Variants in MNAT1 observed in about 807,000 individuals in gnomAD.
MNAT1 encodes CDK-activating kinase assembly factor MAT1.
In MNAT1, 43 loss-of-function variants were observed where a neutral mutation model predicts 42.0. That is an observed-to-expected ratio of 1.02 (90% CI 0.80 to 1.32). MNAT1 has a LOEUF of 1.32. Among genes scored for constraint, MNAT1 ranks in the 40% most tolerant of loss-of-function variants. MNAT1 has a pLI of 0.00. For missense variants in MNAT1, 306 were observed against 350.4 expected, an observed-to-expected ratio of 0.87 and a Z score of 1.01; for synonymous variants, 118 against 120.0, an observed-to-expected ratio of 0.98 and a Z score of 0.11.
rs1300449735 is a variant in MNAT1 at position 60,740,657 on chromosome 14, G to A, written c.89+5706G>A. On this transcript the variant is annotated intron_variant, in intron 1 of 7. Coordinates refer to ENST00000261245, the MANE Select transcript of MNAT1 (RefSeq NM_002431.4). The surrounding 1 kb of genome is among the most constrained non-coding windows in gnomAD (Gnocchi z 4.1). Reference sequence around the variant, plus strand: ...TTAGGAAAAGGCACTTATTTTAGGTGGAAGATTTAGAACAGGAACATTCTA... The same window carrying A: ...TTAGGAAAAGGCACTTATTTTAGGTAGAAGATTTAGAACAGGAACATTCTA... Among the ~76,000 whole-genome samples the A allele has an allele frequency of 2.0e-5, 3 of 152,056 alleles. No homozygotes were observed. Among genetic ancestry groups the A allele is most frequent in the Non-Finnish European group, 2.9e-5 (2 of 68,014 alleles).
Position 60,798,156 on chromosome 14 carries a change from A to G in MNAT1, c.312A>G (p.Glu104=). ...ATGATTTCTTGGAAGAAGTGGAAGA[A>G]ATTGGTACGTTTTTAATTTGATGTA... The part of the protein sequence containing the change: ...EYNDFLEEVE[E]IVFNLTNNVD... Residue 104 remains glutamate, a synonymous_variant, in exon 3 of 8, where the codon GAA becomes GAG. Coordinates refer to ENST00000261245, the MANE Select transcript of MNAT1 (RefSeq NM_002431.4). 1 of 1,499,240 alleles carries G rather than the reference A, an allele frequency of 6.7e-7. No individual in the cohort carries two copies. Among genetic ancestry groups the G allele is most frequent in the Non-Finnish European group, 9.3e-7 (1 of 1,078,886 alleles). The allele number at this position is 1,499,240 out of a possible 1,614,324, so 92.9% of individuals were successfully genotyped here.
intron 1 of MNAT1, among the ~76,000 whole-genome samples, chr14:60,749,708 A>G (rs530999040): frequency 1.3e-5 from 2 of 152,330 alleles, no homozygotes; most frequent in South Asian, 2.1e-4. Flanking sequence ...TGCAAAAAAT[A>G]TATAGTTTTT....
intron 7 of MNAT1, among the ~76,000 whole-genome samples, chr14:60,909,145 C>G (rs1209180482): frequency 6.6e-6 from 1 of 152,126 alleles, no homozygotes; most frequent in Non-Finnish European, 1.5e-5. Context: ...GTGTTCATAT[C>G]CTTCACCCAC....
intron 7 of MNAT1, among the ~76,000 whole-genome samples, chr14:60,948,375 T>C (rs2036321900): frequency 6.6e-6 from 1 of 152,132 alleles, no homozygotes; most frequent in Non-Finnish European, 1.5e-5. Flanking sequence ...AAGGCTATGA[T>C]TGTGGCACTG....
At chr14:60,874,049 G>T (rs1452555883) in intron 6 of MNAT1, among the ~76,000 whole-genome samples, 1 of 152,154 alleles carries the variant, frequency 6.6e-6, no homozygotes, top group African/African-American at 2.4e-5. Flanking sequence ...GTCAAAATAT[G>T]TGAAGATTTT....
At chr14:60,834,033 A>G (rs1168337042) in intron 6 of MNAT1, among the ~76,000 whole-genome samples, 2 of 152,078 alleles carry the variant, frequency 1.3e-5, no homozygotes, top group African/African-American at 2.4e-5. Flanking sequence ...TCTCTTCATC[A>G]TTTTTTATTG....
chr14:60,855,623 A>G lies in MNAT1; in HGVS notation c.688-24091A>G, dbSNP rs574328804. ...CCACCCTTGCTTCTGTTCACCCTCCATGGGTTGGACCCACTGCCTAACCAG... is the reference window on the plus strand; with the variant it reads ...CCACCCTTGCTTCTGTTCACCCTCCGTGGGTTGGACCCACTGCCTAACCAG... On this transcript the variant is annotated intron_variant, in intron 6 of 7. Coordinates refer to ENST00000261245, the MANE Select transcript of MNAT1 (RefSeq NM_002431.4). 8.0e-4 allele frequency among the ~76,000 whole-genome samples: 122 copies of G among 152,180 alleles called. 1 individual carries two copies. The highest frequency in any genetic ancestry group is 1.4e-3 in the Non-Finnish European group (96 of 67,980).
intron 1 of MNAT1, among the ~76,000 whole-genome samples, chr14:60,771,266 CA>C (rs2140307190): frequency 6.6e-6 from 1 of 152,122 alleles, no homozygotes; most frequent in Non-Finnish European, 1.5e-5. Flanking sequence ...TGTGAAGTGG[CA>C]TTTTACTGTG....
chr14:60,915,938 A>C (rs769599994), intron 7 of MNAT1, among the ~76,000 whole-genome samples: 4 of 152,238 alleles, frequency 2.6e-5, no homozygotes, highest in Non-Finnish European at 4.4e-5. Context: ...CCAGCTCTGC[A>C]TACCAGAGCG....
intron 1 of MNAT1, among the ~76,000 whole-genome samples, chr14:60,765,258 C>T (rs1202849578): frequency 1.3e-5 from 2 of 152,110 alleles, no homozygotes; most frequent in Non-Finnish European, 2.9e-5. Flanking sequence ...CCACTGCACT[C>T]CAGCTTGGGC....
chr14:60,826,709 G>C (rs1212089017), intron 6 of MNAT1, among the ~76,000 whole-genome samples: 1 of 152,058 alleles, frequency 6.6e-6, no homozygotes, highest in Non-Finnish European at 1.5e-5. Flanking sequence ...TTCTTGGCCA[G>C]GTGTTAGTTA....
At chr14:60,789,795 G>C (rs2140321039) in intron 1 of MNAT1, among the ~76,000 whole-genome samples, 1 of 152,264 alleles carries the variant, frequency 6.6e-6, no homozygotes, top group East Asian at 1.9e-4. Context: ...ACATATTTCA[G>C]AAAATGTTCT....
intron 1 of MNAT1, among the ~76,000 whole-genome samples, chr14:60,781,956 T>TGG (rs1169238465): frequency 1.0e-3 from 150 of 147,178 alleles, no homozygotes; most frequent in Middle Eastern, 3.5e-3. Context: ...ATTTTGTTTG[T>TGG]GTGTGTGTGT....
intron 7 of MNAT1, among the ~76,000 whole-genome samples, chr14:60,949,543 C>T (rs2036343069): frequency 6.6e-6 from 1 of 151,942 alleles, no homozygotes; most frequent in African/African-American, 2.4e-5. Flanking sequence ...AATATTATAC[C>T]AGCATGTGCA....
intron 7 of MNAT1, among the ~76,000 whole-genome samples, chr14:60,947,767 C>G (rs763053522): frequency 6.6e-6 from 1 of 152,312 alleles, no homozygotes; most frequent in Middle Eastern, 3.4e-3. Flanking sequence ...ATCCTGGACA[C>G]TTCTGTCATT....
intron 6 of MNAT1, among the ~76,000 whole-genome samples, chr14:60,853,243 T>C (rs1404802462): frequency 2.0e-5 from 3 of 152,138 alleles, no homozygotes; most frequent in African/African-American, 4.8e-5. Context: ...TGTAGTTCTC[T>C]TTGAAGAGGT....
intron 6 of MNAT1, among the ~76,000 whole-genome samples, chr14:60,862,119 A>T (rs1417692724): frequency 1.3e-5 from 2 of 152,204 alleles, no homozygotes; most frequent in Non-Finnish European, 2.9e-5. Flanking sequence ...TAAAATACAG[A>T]TCTTTGAAGG....
In MNAT1 at chr14:60,877,163, C is replaced by T. The variant is rs149588087; in HGVS notation, c.688-2551C>T. On this transcript the variant is annotated intron_variant, in intron 6 of 7. Coordinates refer to ENST00000261245, the MANE Select transcript of MNAT1 (RefSeq NM_002431.4). ...GCCATGGGTGTGAAGTGGTATCTCA[C>T]TGTGCTTTGACTTGCATTGCCCTAA... Among the ~76,000 whole-genome samples, 19 of 152,106 alleles carry T rather than the reference C, an allele frequency of 1.2e-4. No homozygotes were observed. The East Asian group carries it at 2.3e-3, about 19-fold the overall frequency.
intron 3 of MNAT1, among the ~76,000 whole-genome samples, chr14:60,799,046 T>C (rs960371876): frequency 6.6e-6 from 1 of 152,216 alleles, no homozygotes; most frequent in African/African-American, 2.4e-5. Flanking sequence ...ATAAATATTC[T>C]AATTCCTTTA....
Sources: gnomAD v4.1 joint callset for allele counts (sites outside exome capture counted in the v4.1 genomes callset) on GRCh38, gnomAD v4.1.1 for gene constraint, Gnocchi (gnomAD v3.1) non-coding constraint, MANE v1.5 for transcripts, NCBI Gene and HGNC (gene_info 2026-07-23, HGNC 2026-07-21) for gene names.